The following ADAMTSL4 variants were observed in gnomAD, a reference collection of about 807,000 sequenced individuals.
The protein encoded by ADAMTSL4 is ADAMTS-like protein 4.
ADAMTSL4 carries 97 observed loss-of-function variants against 122.8 expected under a neutral mutation model. The ratio of observed to expected loss-of-function variants is 0.79; its 90% CI spans 0.67 to 0.93. The LOEUF is 0.93. ADAMTSL4 is among the 40% of genes least tolerant of loss of function. The pLI is 0.00. For synonymous variants in ADAMTSL4, 592 were observed against 568.0 expected, an observed-to-expected ratio of 1.04 and a Z score of -0.60; for missense variants, 1,408 against 1,453.5, an observed-to-expected ratio of 0.97 and a Z score of 0.51.
rs762772611 is a variant in ADAMTSL4, at chr1:150,554,557, G to A, written c.1234+90G>A. On this transcript the variant is annotated intron_variant, in intron 7 of 18. Coordinates refer to ENST00000271643, the MANE Select transcript of ADAMTSL4 (RefSeq NM_019032.6). The surrounding 1 kb of genome is among the most constrained non-coding windows in gnomAD (Gnocchi z 4.0). ...TACCTGCTTACTCCCAGCCCTGAAT[G>A]ACTTCCAGCCCCTCTGCTTCCCCTG... The A allele has an allele frequency of 3.6e-5, 57 of 1,574,076 alleles. No homozygotes were observed. The South Asian group carries it at 6.0e-4, about 16-fold the overall frequency.
chr1:150,551,078 G>A, intron 2 of ADAMTSL4: 1 of 447,676 alleles, frequency 2.2e-6, no homozygotes, highest in Non-Finnish European at 4.5e-6. Context: ...GGGGCAAAGA[G>A]AGTCAGGCTT....
At position 150,556,327 on chromosome 1, in the gene ADAMTSL4, C is replaced by A; in HGVS notation, c.1537C>A (p.Leu513Ile). The change falls in exon 9 of 19, where the codon CTC (leucine) becomes ATC (isoleucine). Residue 513 changes from leucine (L) to isoleucine (I), a missense_variant. Transcript: ENST00000271643. The surrounding 1 kb of genome is among the most constrained non-coding windows in gnomAD (Gnocchi z 4.1). ...ILWIPAGALR[L>I]QIAQLRPSSN... ...GTGGATTCCAGCGGGAGCCTTGCGGCTCCAGATTGCCCAGCTCCGGCCTAG... is the reference window on the plus strand; with the variant it reads ...GTGGATTCCAGCGGGAGCCTTGCGGATCCAGATTGCCCAGCTCCGGCCTAG... The A allele has an allele frequency of 6.2e-7, 1 of 1,614,100 alleles. No individual in the cohort carries two copies. Among genetic ancestry groups the A allele is most frequent in the Non-Finnish European group, 8.5e-7 (1 of 1,180,032 alleles).
rs1183806513 is a variant in ADAMTSL4, at chr1:150,559,934, A to G, written c.3088+29A>G. On this transcript the variant is annotated intron_variant, in intron 18 of 18. Transcript: ENST00000271643. This position sits in a 1 kb window ranked among gnomAD's most constrained non-coding sequence, Gnocchi z 4.1. ...AAGAGCCCCCTCTCCCCAATCCCCA[A>G]TACAGTGGATTAGCTGAAGTATGGG... 1.9e-6 allele frequency: 3 copies of G among 1,613,678 alleles called. No individual in the cohort carries two copies. The highest frequency in any genetic ancestry group is 2.2e-5 in the East Asian group (1 of 44,870).
chr1:150,555,402 T>C, intron 7 of ADAMTSL4, 27 bp from the exon 8 acceptor site: 17 of 1,613,360 alleles, frequency 1.1e-5, no homozygotes, highest in Non-Finnish European at 1.4e-5. Flanking sequence ...GGGAGCCCAC[T>C]AACCACCCTT....
At chr1:150,555,296 C>T in intron 7 of ADAMTSL4, 133 bp from the exon 8 acceptor site, 1 of 1,207,710 alleles carries the variant, frequency 8.3e-7, no homozygotes, top group Non-Finnish European at 1.2e-6. Flanking sequence ...CCCTGACCAC[C>T]TCAGCTTGTG....
In ADAMTSL4 at chr1:150,556,512, G is replaced by T; in HGVS notation, c.1577-109G>T. 6.4e-7 allele frequency: 1 copy of T among 1,572,788 alleles called. No homozygotes were observed. Among genetic ancestry groups the T allele is most frequent in the Non-Finnish European group, 8.7e-7 (1 of 1,145,708 alleles). The stretch of plus-strand genomic sequence containing the variant: ...AGGAGTGAGGAAGCTGAGAGGGCTT[G>T]GGGGGATCTTAGGTTCTGGTGGGAG... On this transcript the variant is annotated intron_variant, in intron 9 of 18. Transcript: ENST00000271643. This position sits in a 1 kb window ranked among gnomAD's most constrained non-coding sequence, Gnocchi z 4.1.
In ADAMTSL4 at chr1:150,554,354, C is replaced by A; in HGVS notation, c.1132-11C>A. 1 of 1,611,294 alleles carries A rather than the reference C, an allele frequency of 6.2e-7. No homozygotes were observed. Among genetic ancestry groups the A allele is most frequent in the Non-Finnish European group, 8.5e-7 (1 of 1,178,760 alleles). On this transcript the variant is annotated splice_polypyrimidine_tract_variant and intron_variant, in intron 6 of 18. Transcript: ENST00000271643. This position sits in a 1 kb window ranked among gnomAD's most constrained non-coding sequence, Gnocchi z 4.0. The stretch of plus-strand genomic sequence containing the variant: ...TCCCCAGCTCTGACTCCTTTGTACC[C>A]CTCACCGCAGCCCTGCCCCCCTGAG...
In ADAMTSL4 at chr1:150,554,403, G is replaced by C; in HGVS notation, c.1170G>C (p.Gln390His). 6.2e-7 allele frequency: 1 copy of C among 1,614,014 alleles called. No individual in the cohort carries two copies. The highest frequency in any genetic ancestry group is 8.5e-7 in the Non-Finnish European group (1 of 1,180,028). ...PPEQPDPRAL[Q>H]CAAFNSQEFM... is the part of the protein sequence containing the mutation. ...AGCAGCCAGACCCCCGGGCCCTGCA[G>C]TGCGCAGCCTTTAACTCCCAGGAAT... Residue 390 changes from glutamine to histidine, a missense_variant, in exon 7 of 19, where the codon CAG becomes CAC. Coordinates refer to ENST00000271643, the MANE Select transcript of ADAMTSL4 (RefSeq NM_019032.6). The surrounding 1 kb of genome is among the most constrained non-coding windows in gnomAD (Gnocchi z 4.0).
rs1445108795 is a variant in ADAMTSL4, at chr1:150,553,952, G to A, written c.961G>A (p.Gly321Arg). The A allele has an allele frequency of 6.2e-7, 1 of 1,610,358 alleles. No homozygotes were observed. The highest frequency in any genetic ancestry group is 8.5e-7 in the Non-Finnish European group (1 of 1,178,760). ...GGGCCAAGGGCCTTGGGGAACGGGG[G>A]GGACTCCTCACGGGCCCCGCCTGGA... ...QQGQGPWGTGGTPHGPRLEPD... is the reference protein window; with the variant it reads ...QQGQGPWGTGRTPHGPRLEPD... Residue 321 changes from glycine to arginine, a missense_variant, in exon 6 of 19, where the codon GGG becomes AGG. Gly to Arg is a moderately radical substitution (Grantham distance 125). Coordinates refer to ENST00000271643, the MANE Select transcript of ADAMTSL4 (RefSeq NM_019032.6).
rs1199700650 is a variant in ADAMTSL4 at position 150,557,218 on chromosome 1, C to T, written c.1930C>T (p.Arg644Cys). Residue 644 changes from arginine (R) to cysteine (C), a missense_variant, in exon 12 of 19, where the codon CGT becomes TGT. Physicochemically the swap from Arg to Cys is radical, Grantham distance 180. Coordinates refer to ENST00000271643, the MANE Select transcript of ADAMTSL4 (RefSeq NM_019032.6). ...RPARTPGTLQ[R>C]QVRIPQMPAP... ...AGCCCGGACCCCAGGCACCCTCCAG[C>T]GTCAGGTGCGGATCCCCCAGATGCC... is the stretch of plus-strand genomic sequence containing the variant. The T allele has an allele frequency of 1.9e-5, 31 of 1,611,718 alleles. No homozygotes were observed. Among genetic ancestry groups the T allele is most frequent in the Non-Finnish European group, 2.3e-5 (27 of 1,179,614 alleles).
Position 150,554,001 on chromosome 1 carries a change from C to A in ADAMTSL4, c.1010C>A (p.Ala337Asp). The A allele has an allele frequency of 2.5e-6, 4 of 1,611,876 alleles. No individual in the cohort carries two copies. The highest frequency in any genetic ancestry group is 3.4e-6 in the Non-Finnish European group (4 of 1,179,736). Residue 337 changes from alanine (A) to aspartate (D), a missense_variant, in exon 6 of 19, where the codon GCC (alanine) becomes GAC (aspartate). By Grantham distance (126) the Ala-to-Asp change is moderately radical. Transcript: ENST00000271643. The surrounding 1 kb of genome is among the most constrained non-coding windows in gnomAD (Gnocchi z 4.0). ...GAGCCTGACCCTCAGCACCCGGGCGCCTGGCTGCCCCTGCTGAGCAACGGC... is the reference window on the plus strand; with the variant it reads ...GAGCCTGACCCTCAGCACCCGGGCGACTGGCTGCCCCTGCTGAGCAACGGC... ...RLEPDPQHPG[A>D]WLPLLSNGPH...
chr1:150,555,706 C>A, intron 8 of ADAMTSL4, 141 bp downstream of exon 8: 1 of 1,182,218 alleles, frequency 8.5e-7, no homozygotes, highest in Non-Finnish European at 1.2e-6. Context: ...TGCGCACAGA[C>A]ACATGCACAC....
Position 150,553,061 on chromosome 1 carries a change from G to A in ADAMTSL4, c.242G>A (p.Ser81Asn). ...CQLPTVQLHP[S>N]LPLPPRPPRH... ...CTCCCTACAGTGCAGCTCCACCCGAGTCTGCCCCTCCCTCCCCGGCCCCCA... is the reference window on the plus strand; with the variant it reads ...CTCCCTACAGTGCAGCTCCACCCGAATCTGCCCCTCCCTCCCCGGCCCCCA... The change falls in exon 5 of 19, where the codon AGT (serine) becomes AAT (asparagine). Residue 81 changes from serine (S) to asparagine (N), a missense_variant. By Grantham distance (46) the Ser-to-Asn change is conservative (BLOSUM62 1). Coordinates refer to ENST00000271643, the MANE Select transcript of ADAMTSL4 (RefSeq NM_019032.6). The A allele has an allele frequency of 6.2e-7, 1 of 1,613,342 alleles. No individual in the cohort carries two copies. Among genetic ancestry groups the A allele is most frequent in the Non-Finnish European group, 8.5e-7 (1 of 1,179,830 alleles).
chr1:150,559,854 C>A lies in ADAMTSL4; in HGVS notation c.3037C>A (p.Arg1013=), dbSNP rs763050411. ...TLSTRCPPQL[R]PSRKRPCNSQ... is the part of the protein sequence containing the mutation. ...CAGCACCCGATGCCCTCCTCAACTG[C>A]GGCCCTCCAGGAAGCGCCCCTGTAA... The change falls in exon 18 of 19, where the codon CGG becomes AGG. Residue 1013 remains arginine (R), a synonymous_variant. Transcript: ENST00000271643. The surrounding 1 kb of genome is among the most constrained non-coding windows in gnomAD (Gnocchi z 4.1). The A allele has an allele frequency of 6.2e-7, 1 of 1,614,034 alleles. No individual in the cohort carries two copies.
chr1:150,553,250 G>A lies in ADAMTSL4; in HGVS notation c.431G>A (p.Arg144Lys). The A allele has an allele frequency of 2.5e-6, 4 of 1,610,396 alleles. No homozygotes were observed. Among genetic ancestry groups the A allele is most frequent in the African/African-American group, 1.3e-5 (1 of 74,896 alleles). The change falls in exon 5 of 19, where the codon AGG becomes AAG. Residue 144 changes from arginine (R) to lysine (K), a missense_variant. Arg to Lys is a conservative substitution (Grantham distance 26). Coordinates refer to ENST00000271643, the MANE Select transcript of ADAMTSL4 (RefSeq NM_019032.6). ...REETQEIRAA[R>K]RSRLRDPIKP... ...GAGACCCAGGAGATTCGAGCGGCCAGGAGGTGAGAGGCCTGGGTGGAAGAG... is the reference window on the plus strand; with the variant it reads ...GAGACCCAGGAGATTCGAGCGGCCAAGAGGTGAGAGGCCTGGGTGGAAGAG...
intron 5 of ADAMTSL4, 21 bp from the exon 6 acceptor site, chr1:150,553,402 CCCA>C: frequency 1.2e-6 from 2 of 1,612,912 alleles, no homozygotes; most frequent in Non-Finnish European, 1.7e-6. Context: ...GAGCTGTGCC[CCCA>C]CATCTGAAAC....
rs956625458 is a variant in ADAMTSL4 at position 150,560,328 on chromosome 1, C to CA, written c.*134dup. 9.3e-5 allele frequency: 131 copies of CA among 1,403,834 alleles called. No individual in the cohort carries two copies. The African/African-American group carries it at 1.8e-3, about 19-fold the overall frequency. The allele number at this position is 1,403,834 out of a possible 1,614,324, so 87.0% of individuals were successfully genotyped here. On this transcript the variant is annotated 3_prime_UTR_variant, in exon 19 of 19. Coordinates refer to ENST00000271643, the MANE Select transcript of ADAMTSL4 (RefSeq NM_019032.6). ...ATGTCCTCCAGGTGACAGAGGGTGG[C>CA]AAGGTGACTGACACAAAGTGACTTT...
chr1:150,552,544 C>A lies in ADAMTSL4; in HGVS notation c.22C>A (p.Pro8Thr). The stretch of plus-strand genomic sequence containing the variant: ...CCTCCCCTGGCCTTTGGTTTGCAGG[C>A]CCTGGCTGTATCTGCTGCTGCTTCT... MENWTGR[P>T]WLYLLLLLSL... is the part of the protein sequence containing the mutation. Residue 8 changes from proline to threonine, a missense_variant and splice_region_variant, in exon 4 of 19, where the codon CCC (proline) becomes ACC (threonine). By Grantham distance (38) the Pro-to-Thr change is conservative (BLOSUM62 -1). Transcript: ENST00000271643. This position sits in a 1 kb window ranked among gnomAD's most constrained non-coding sequence, Gnocchi z 4.0. 6.2e-7 allele frequency: 1 copy of A among 1,614,024 alleles called. No individual in the cohort carries two copies. The highest frequency in any genetic ancestry group is 1.7e-4 in the Middle Eastern group (1 of 6,058).
In ADAMTSL4 at chr1:150,559,406, C is replaced by A. The variant is rs148110558; in HGVS notation, c.2883C>A (p.Ala961=). The A allele has an allele frequency of 1.2e-6, 2 of 1,613,486 alleles. No homozygotes were observed. The highest frequency in any genetic ancestry group is 3.3e-5 in the Admixed American group (2 of 60,006). ...SNCSHLPRPP[A]LQPCQGQACQ... is the part of the protein sequence containing the mutation. ...GTTCTCACCTCCCCAGGCCCCCTGC[C>A]CTGCAGCCCTGTCAAGGGCAGGCCT... is the stretch of plus-strand genomic sequence containing the variant. The change falls in exon 17 of 19, where the codon GCC becomes GCA. Residue 961 remains alanine, a synonymous_variant. Coordinates refer to ENST00000271643, the MANE Select transcript of ADAMTSL4 (RefSeq NM_019032.6). This position sits in a 1 kb window ranked among gnomAD's most constrained non-coding sequence, Gnocchi z 4.1.
Sources: allele counts gnomAD v4.1 joint callset, GRCh38; gene constraint gnomAD v4.1.1; non-coding constraint Gnocchi (gnomAD v3.1); transcripts MANE v1.5; gene names NCBI Gene and HGNC (gene_info 2026-07-23, HGNC 2026-07-21).